ZRANB3: variants seen among roughly 807,000 people sequenced by gnomAD.
ZRANB3 encodes the protein DNA annealing helicase and endonuclease ZRANB3.
Under a neutral mutation model 133.8 loss-of-function variants are expected in ZRANB3, and 125 were observed. The observed-to-expected ratio is 0.93, with a 90% CI of 0.81 to 1.08. The LOEUF (loss-of-function observed/expected upper bound fraction) is 1.08. Ranked by LOEUF, ZRANB3 falls within the 50% of genes least tolerant of loss-of-function variation. ZRANB3 has a pLI of 0.00. For missense variants in ZRANB3, 1,229 were observed against 1,275.5 expected (o/e 0.96, Z 0.56); for synonymous variants, 387 against 432.7 (o/e 0.89, Z 1.31).
chr2:135,275,703 T>C lies in ZRANB3; in HGVS notation c.1019A>G (p.Lys340Arg). Residue 340 changes from lysine (K) to arginine (R), a missense_variant, in exon 9 of 21, where the codon AAA becomes AGA. Transcript: ENST00000264159. ...TAAATGGTGAGCAAAAACCAGAAAT[T>C]TAAGCGAATCATTCTGAAGCATCAT... ...IKMMLQNDSL[K>R]FLVFAHHLSM... 6.2e-7 allele frequency: 1 copy of C among 1,607,614 alleles called. No individual in the cohort carries two copies. Among genetic ancestry groups the C allele is most frequent in the South Asian group, 1.1e-5 (1 of 89,766 alleles).
chr2:135,384,729 C>T (rs1227069465), intron 3 of ZRANB3, among the ~76,000 whole-genome samples: 2 of 152,108 alleles, frequency 1.3e-5, no homozygotes, highest in East Asian at 3.8e-4. Flanking sequence ...ATAAACAGAA[C>T]CAATGACAAA....
rs961817901 is a variant in ZRANB3 at position 135,219,015 on chromosome 2, A to T, written c.2352+62T>A. On this transcript the variant is annotated intron_variant, in intron 16 of 20. Coordinates refer to ENST00000264159, the MANE Select transcript of ZRANB3 (RefSeq NM_032143.4). The stretch of plus-strand genomic sequence containing the variant: ...TAAAATTAAACTAAAAATGATCATT[A>T]AAATTACTAAAACAAGTTTATTTAA... 10 of 1,152,564 alleles carry T rather than the reference A, an allele frequency of 8.7e-6. No homozygotes were observed. In the African/African-American group the frequency reaches 1.6e-4, roughly 19 times the overall value. The allele number at this position is 1,152,564 out of a possible 1,614,324, so 71.4% of individuals were successfully genotyped here.
chr2:135,352,616 T>TAA (rs1182145194), intron 4 of ZRANB3, among the ~76,000 whole-genome samples: 5 of 152,194 alleles, frequency 3.3e-5, no homozygotes, highest in Non-Finnish European at 7.4e-5. Context: ...ATACATTTTG[T>TAA]GTTTCCTCCT....
At chr2:135,422,867 T>A (rs1252413826) in intron 2 of ZRANB3, among the ~76,000 whole-genome samples, 1 of 152,214 alleles carries the variant, frequency 6.6e-6, no homozygotes, top group Non-Finnish European at 1.5e-5. Flanking sequence ...GTATTTTAGT[T>A]TCCAAGGGCT....
intron 2 of ZRANB3, among the ~76,000 whole-genome samples, chr2:135,442,067 TA>T (rs1689805055): frequency 6.6e-6 from 1 of 152,112 alleles, no homozygotes; most frequent in Admixed American, 6.5e-5. Flanking sequence ...AAGACTTAAA[TA>T]TAAGACCTAA....
At chr2:135,379,046 T>C (rs1210851492) in intron 3 of ZRANB3, among the ~76,000 whole-genome samples, 3 of 152,160 alleles carry the variant, frequency 2.0e-5, no homozygotes, top group Admixed American at 1.3e-4. Flanking sequence ...TAATAATATA[T>C]GAATATTGGC....
Position 135,234,986 on chromosome 2 carries a change from C to G in ZRANB3, c.1540-4059G>C, listed in dbSNP as rs1365986818. On this transcript the variant is annotated intron_variant, in intron 12 of 20. Transcript: ENST00000264159. ...AGACACAAAAAACCCTTCAAAAATT[C>G]AATGAATCCAGGAGCTGGTTTTTTG... Among the ~76,000 whole-genome samples the G allele has an allele frequency of 2.0e-5, 3 of 151,900 alleles. No individual in the cohort carries two copies. The East Asian group carries it at 5.8e-4, about 29-fold the overall frequency.
intron 8 of ZRANB3, among the ~76,000 whole-genome samples, chr2:135,278,498 G>C (rs1573816846): frequency 1.3e-5 from 2 of 152,134 alleles, no homozygotes; most frequent in East Asian, 3.8e-4. Flanking sequence ...ATAAAGGAAA[G>C]AGGTAAAAAT....
At chr2:135,298,300 C>G (rs1682254154) in intron 8 of ZRANB3, among the ~76,000 whole-genome samples, 1 of 152,256 alleles carries the variant, frequency 6.6e-6, no homozygotes, top group Admixed American at 6.5e-5. Flanking sequence ...TAATAATTGA[C>G]CTCTGAATTC....
chr2:135,219,645 T>C lies in ZRANB3; in HGVS notation c.2251-467A>G, dbSNP rs988334011. 6.6e-5 allele frequency among the ~76,000 whole-genome samples: 10 copies of C among 152,358 alleles called. No individual in the cohort carries two copies. The South Asian group carries it at 8.3e-4, about 13-fold the overall frequency. The stretch of plus-strand genomic sequence containing the variant: ...CACATCAAAGAATGGTATCAAGGAA[T>C]AGTCTTAATAATCTTCACCAAATGA... On this transcript the variant is annotated intron_variant, in intron 15 of 20. Coordinates refer to ENST00000264159, the MANE Select transcript of ZRANB3 (RefSeq NM_032143.4).
intron 1 of ZRANB3, among the ~76,000 whole-genome samples, chr2:135,528,185 T>C (rs1694240183): frequency 6.6e-6 from 1 of 151,960 alleles, no homozygotes; most frequent in Non-Finnish European, 1.5e-5. Flanking sequence ...GTCTCCTGTG[T>C]TGCCCCAGGC....
At chr2:135,403,040 G>A (rs1033904737) in intron 2 of ZRANB3, among the ~76,000 whole-genome samples, 5 of 152,114 alleles carry the variant, frequency 3.3e-5, no homozygotes, top group African/African-American at 1.2e-4. Flanking sequence ...CGCAGAAGAC[G>A]GGTGATTTCT....
chr2:135,485,140 A>G (rs1339034510), intron 2 of ZRANB3, among the ~76,000 whole-genome samples: 1 of 145,488 alleles, frequency 6.9e-6, no homozygotes, highest in East Asian at 2.0e-4. Context: ...GAAACAAAAC[A>G]AAACAAACAA....
At chr2:135,308,417 T>C (rs981361791) in intron 8 of ZRANB3, among the ~76,000 whole-genome samples, 1 of 152,100 alleles carries the variant, frequency 6.6e-6, no homozygotes, top group African/African-American at 2.4e-5. Flanking sequence ...GTATTGAAAA[T>C]AGGCAGAGTT....
intron 2 of ZRANB3, among the ~76,000 whole-genome samples, chr2:135,407,321 A>G (rs543633701): frequency 1.6e-4 from 25 of 152,176 alleles, no homozygotes; most frequent in South Asian, 8.3e-4. Context: ...TGAAATAAAA[A>G]AGGATACAAA....
intron 2 of ZRANB3, among the ~76,000 whole-genome samples, chr2:135,461,750 G>A (rs1690775806): frequency 6.6e-6 from 1 of 152,104 alleles, no homozygotes; most frequent in African/African-American, 2.4e-5. Context: ...TACTAGTTCT[G>A]AAGTCAAAAA....
chr2:135,427,122 A>G (rs1689129674), intron 2 of ZRANB3, among the ~76,000 whole-genome samples: 1 of 151,764 alleles, frequency 6.6e-6, no homozygotes, highest in Non-Finnish European at 1.5e-5. Flanking sequence ...TGAATAGGCA[A>G]AAGCTGGAAG....
intron 2 of ZRANB3, among the ~76,000 whole-genome samples, chr2:135,401,778 A>T (rs895215382): frequency 4.6e-5 from 7 of 152,186 alleles, no homozygotes; most frequent in African/African-American, 1.4e-4. Context: ...ACTCCTGTTA[A>T]CTGCAGGAGA....
At chr2:135,262,247 C>A (rs896562804) in intron 12 of ZRANB3, among the ~76,000 whole-genome samples, 1 of 149,706 alleles carries the variant, frequency 6.7e-6, no homozygotes, top group African/African-American at 2.5e-5. Flanking sequence ...CAATATTTGA[C>A]GGAATTACAT....
Sources: allele counts gnomAD v4.1 joint callset (sites outside exome capture counted in the v4.1 genomes callset), GRCh38; gene constraint gnomAD v4.1.1; transcripts MANE v1.5; gene names NCBI Gene and HGNC (gene_info 2026-07-23, HGNC 2026-07-21).